Variants in ABCB1 observed in about 807,000 individuals in gnomAD.
The protein encoded by ABCB1 is ATP binding cassette subfamily B member 1, also known as ATP-dependent translocase ABCB1.
In ABCB1, 69 loss-of-function variants were observed where a neutral mutation model predicts 142.0. The observed-to-expected ratio is 0.49, with a 90% confidence interval of 0.40 to 0.59. The LOEUF is 0.59. Among genes scored for constraint, ABCB1 ranks in the 20% least tolerant of loss-of-function variants. The pLI, the probability that ABCB1 is intolerant of heterozygous loss-of-function variation, is 0.00. For synonymous variants in ABCB1, 532 were observed against 539.2 expected (o/e 0.99, Z 0.18); for missense variants, 1,326 against 1,554.7 (o/e 0.85, Z 2.47).
intron 1 of ABCB1, chr7:87,709,495 G>A: frequency 1.0e-6 from 1 of 985,368 alleles, no homozygotes; most frequent in African/African-American, 1.7e-5. Context: ...AGCTAAAAGG[G>A]ATGTTGAGCT....
chr7:87,512,224 A>C (rs778167267), intron 25 of ABCB1, among the ~76,000 whole-genome samples: 1 of 151,778 alleles, frequency 6.6e-6, no homozygotes. Context: ...AATCCCTACA[A>C]TTGTATAACC....
intron 25 of ABCB1, among the ~76,000 whole-genome samples, chr7:87,512,607 C>G (rs1010419688): frequency 1.3e-5 from 2 of 152,138 alleles, no homozygotes; most frequent in African/African-American, 4.8e-5. Context: ...TTCTTATGCT[C>G]AAATCCACAG....
At chr7:87,706,344 G>T (rs1438681031) in intron 1 of ABCB1, among the ~76,000 whole-genome samples, 1 of 152,024 alleles carries the variant, frequency 6.6e-6, no homozygotes, top group East Asian at 1.9e-4. Flanking sequence ...AGATCAGCTT[G>T]GTGCTGTAGG....
chr7:87,600,453 C>G (rs1259902880), intron 1 of ABCB1, among the ~76,000 whole-genome samples: 1 of 152,210 alleles, frequency 6.6e-6, no homozygotes, highest in Non-Finnish European at 1.5e-5. Context: ...CCTCCCGGTT[C>G]CAGTCGCCGC....
At chr7:87,664,936 A>G (rs576720917) in intron 1 of ABCB1, among the ~76,000 whole-genome samples, 20 of 152,272 alleles carry the variant, frequency 1.3e-4, no homozygotes, top group Non-Finnish European at 2.8e-4. Context: ...CAATTAAAGT[A>G]CAGAAGTAAT....
intron 16 of ABCB1, 92 bp downstream of exon 16, chr7:87,544,731 C>G (rs866890307): frequency 7.8e-7 from 1 of 1,287,398 alleles, no homozygotes; most frequent in Admixed American, 1.7e-5. Context: ...TGGATAACCT[C>G]TCTTGTTCCC....
chr7:87,691,622 A>C (rs1265735162), intron 1 of ABCB1, among the ~76,000 whole-genome samples: 1 of 152,116 alleles, frequency 6.6e-6, no homozygotes, highest in Admixed American at 6.6e-5. Context: ...GCTTTGTCAT[A>C]CGCTTGTTTA....
chr7:87,630,204 T>A (rs896923958), intron 1 of ABCB1, among the ~76,000 whole-genome samples: 2 of 152,242 alleles, frequency 1.3e-5, no homozygotes, highest in African/African-American at 4.8e-5. Context: ...GTTATTTTTC[T>A]TGTGTAAAAA....
intron 1 of ABCB1, among the ~76,000 whole-genome samples, chr7:87,621,685 T>C (rs1410295293): frequency 6.6e-6 from 1 of 152,086 alleles, no homozygotes; most frequent in Non-Finnish European, 1.5e-5. Context: ...AAACACATAG[T>C]AACAGATTGG....
At chr7:87,653,158 G>C (rs1262082747) in intron 1 of ABCB1, among the ~76,000 whole-genome samples, 1 of 152,010 alleles carries the variant, frequency 6.6e-6, no homozygotes, top group Non-Finnish European at 1.5e-5. Context: ...CTAGGATATA[G>C]CTGAGAAATA....
At chr7:87,674,912 G>C (rs1484481918) in intron 1 of ABCB1, among the ~76,000 whole-genome samples, 5 of 152,176 alleles carry the variant, frequency 3.3e-5, no homozygotes, top group Non-Finnish European at 7.4e-5. Flanking sequence ...GTAAGCCTTG[G>C]GGGAGGGGCA....
At chr7:87,611,751 T>C (rs1819859866) in intron 1 of ABCB1, among the ~76,000 whole-genome samples, 1 of 152,190 alleles carries the variant, frequency 6.6e-6, no homozygotes, top group Non-Finnish European at 1.5e-5. Flanking sequence ...GTTTTATGCA[T>C]CTGTTGCAAA....
chr7:87,591,705 G>T (rs1241383271), intron 3 of ABCB1, among the ~76,000 whole-genome samples: 1 of 152,136 alleles, frequency 6.6e-6, no homozygotes, highest in East Asian at 1.9e-4. Flanking sequence ...TCAAGGAATG[G>T]GGGTGGGGGT....
intron 8 of ABCB1, among the ~76,000 whole-genome samples, chr7:87,556,459 A>T (rs781318236): frequency 2.0e-5 from 3 of 152,222 alleles, no homozygotes; most frequent in Non-Finnish European, 4.4e-5. Flanking sequence ...TGCTAATTTG[A>T]AGAGAAAGCC....
At chr7:87,617,019 G>A (rs1820053322) in intron 1 of ABCB1, among the ~76,000 whole-genome samples, 1 of 152,194 alleles carries the variant, frequency 6.6e-6, no homozygotes, top group Admixed American at 6.5e-5. Context: ...TGAGCTCATG[G>A]GAGTGGGATA....
chr7:87,670,609 TC>T (rs1356385695), intron 1 of ABCB1, among the ~76,000 whole-genome samples: 1 of 152,244 alleles, frequency 6.6e-6, no homozygotes, highest in Non-Finnish European at 1.5e-5. Context: ...GTGTGGGTGT[TC>T]CTTTATCTGC....
chr7:87,625,641 C>CA (rs1307931597), intron 1 of ABCB1, among the ~76,000 whole-genome samples: 19 of 152,188 alleles, frequency 1.2e-4, no homozygotes, highest in African/African-American at 4.3e-4. Context: ...AGACTGCCTG[C>CA]ATAACCAGTG....
At chr7:87,514,037 T>C (rs1056683660) in intron 25 of ABCB1, among the ~76,000 whole-genome samples, 1 of 152,206 alleles carries the variant, frequency 6.6e-6, no homozygotes, top group Non-Finnish European at 1.5e-5. Context: ...AACAAGCTTG[T>C]AATGATTTAA....
chr7:87,689,292 G>T (rs1375338683), intron 1 of ABCB1, among the ~76,000 whole-genome samples: 1 of 151,870 alleles, frequency 6.6e-6, no homozygotes, highest in African/African-American at 2.4e-5. Flanking sequence ...TCATGTTTAT[G>T]TTCATTTATC....
Sources: gnomAD v4.1 joint callset for allele counts (sites outside exome capture counted in the v4.1 genomes callset) on GRCh38, gnomAD v4.1.1 for gene constraint, MANE v1.5 for transcripts, NCBI Gene and HGNC (gene_info 2026-07-23, HGNC 2026-07-21) for gene names.